DESI1: variants seen among roughly 807,000 people sequenced by gnomAD.
DESI1 encodes the protein desumoylating isopeptidase 1.
Under a neutral mutation model 22.4 loss-of-function variants are expected in DESI1, and 17 were observed. That is an observed-to-expected ratio of 0.76 (90% CI 0.52 to 1.14). The LOEUF is 1.14. Among genes scored for constraint, DESI1 ranks in the 50% most tolerant of loss-of-function variants. The pLI is 0.00. For missense variants in DESI1, 177 were observed against 208.9 expected (o/e 0.85, Z 0.94); for synonymous variants, 92 against 84.2 (o/e 1.09, Z -0.51).
chr22:41,606,365 A>AG (rs1281204276), intron 3 of DESI1, among the ~76,000 whole-genome samples: 1 of 152,046 alleles, frequency 6.6e-6, no homozygotes, highest in African/African-American at 2.4e-5. Flanking sequence ...CAAAAAAAAA[A>AG]AAAAAATCCT....
At position 41,600,912 on chromosome 22, in the gene DESI1, A is replaced by G. The variant is rs2067446047; in HGVS notation, c.*185T>C. 1.7e-6 allele frequency: 1 copy of G among 603,210 alleles called. No individual in the cohort carries two copies. Among genetic ancestry groups the G allele is most frequent in the African/African-American group, 1.9e-5 (1 of 53,684 alleles). 37.4% of individuals were successfully genotyped at this position (603,210 alleles called of 1,614,324 possible). A position where few individuals can be genotyped will look rare whatever the true frequency, so the allele number is the denominator to read the frequency against. On this transcript the variant is annotated 3_prime_UTR_variant, in exon 6 of 6. Transcript: ENST00000263256. ...GTATAATACTATTAGAAGGGGTGGC[A>G]TTTTGTTCTGTTTCTTAGCAGCATT...
Position 41,600,304 on chromosome 22 carries a change from T to A in DESI1, c.*793A>T, listed in dbSNP as rs1428727923. The A allele has an allele frequency of 2.0e-5, 3 of 152,288 alleles. No individual in the cohort carries two copies. Among genetic ancestry groups the A allele is most frequent in the African/African-American group, 7.2e-5 (3 of 41,464 alleles). 9.4% of individuals were successfully genotyped at this position (152,288 alleles called of 1,614,324 possible). A position where few individuals can be genotyped will look rare whatever the true frequency, so the allele number is the denominator to read the frequency against. On this transcript the variant is annotated 3_prime_UTR_variant, in exon 6 of 6. Transcript: ENST00000263256. ...CAGAGACTGCAAATAACCTACATCA[T>A]TACTTGCAGAAAAAAGGCCTTGGCT...
intron 1 of DESI1, among the ~76,000 whole-genome samples, chr22:41,608,751 G>A (rs902677659): frequency 4.6e-5 from 7 of 152,092 alleles, no homozygotes; most frequent in African/African-American, 1.4e-4. Flanking sequence ...ATGAATTGGA[G>A]GGAAGAGAGC....
intron 1 of DESI1, among the ~76,000 whole-genome samples, chr22:41,611,285 A>G (rs971100453): frequency 4.6e-5 from 7 of 152,132 alleles, no homozygotes; most frequent in African/African-American, 1.7e-4. Flanking sequence ...GGTGTGCGCC[A>G]CCATGCCCAG....
At chr22:41,607,970 T>G in intron 1 of DESI1, 109 bp from the exon 2 acceptor site, 2 of 1,220,896 alleles carry the variant, frequency 1.6e-6, no homozygotes, top group Non-Finnish European at 2.4e-6. Context: ...CATAAACCTC[T>G]TGAGGGACTT....
intron 1 of DESI1, among the ~76,000 whole-genome samples, chr22:41,610,287 G>T (rs1779501427): frequency 1.3e-5 from 2 of 150,430 alleles, no homozygotes; most frequent in Non-Finnish European, 3.0e-5. Flanking sequence ...GCTGAGGCAG[G>T]AAAATCGTTT....
At position 41,610,205 on chromosome 22, in the gene DESI1, C is replaced by G. The variant is rs904316732; in HGVS notation, c.89-2344G>C. Among the ~76,000 whole-genome samples the G allele has an allele frequency of 1.2e-4, 18 of 151,850 alleles. No homozygotes were observed. In the East Asian group the frequency reaches 3.5e-3, roughly 29 times the overall value. ...ATTAGCCTGACCAACATGGTGAAAC[C>G]CTGTCTCTACTAAAAATACAAAAAT... On this transcript the variant is annotated intron_variant, in intron 1 of 5. Transcript: ENST00000263256.
intron 1 of DESI1, among the ~76,000 whole-genome samples, chr22:41,614,898 C>T (rs7284839): frequency 0.78 from 110,153 of 141,706 alleles, 42,228 homozygotes; most frequent in East Asian, 0.94. Context: ...TTTTCTTCTT[C>T]TTTTTTTTTT....
At position 41,604,085 on chromosome 22, in the gene DESI1, G is replaced by A. The variant is rs2067464942; in HGVS notation, c.249C>T (p.Ile83=). 1.2e-6 allele frequency: 2 copies of A among 1,613,744 alleles called. No individual in the cohort carries two copies. Among genetic ancestry groups the A allele is most frequent in the African/African-American group, 1.3e-5 (1 of 74,836 alleles). ...DVGSTEVTEE[I]FLEYLSSLGE... ...CCAGGGAGGAGAGGTACTCCAGAAA[G>A]ATTTCTTCTGTGACTTCTGTACTCC... Residue 83 remains isoleucine (I), a synonymous_variant, in exon 4 of 6, where the codon ATC becomes ATT. Coordinates refer to ENST00000263256, the MANE Select transcript of DESI1 (RefSeq NM_015704.3).
At chr22:41,609,258 A>G (rs1331500132) in intron 1 of DESI1, among the ~76,000 whole-genome samples, 1 of 152,122 alleles carries the variant, frequency 6.6e-6, no homozygotes, top group African/African-American at 2.4e-5. Context: ...ATCCTCAGAG[A>G]TAGTTAAGGG....
In DESI1 at chr22:41,620,936, G is replaced by A. The variant is rs888690601; in HGVS notation, c.-97C>T. 2 of 1,421,768 alleles carry A rather than the reference G, an allele frequency of 1.4e-6. No homozygotes were observed. Among genetic ancestry groups the A allele is most frequent in the Non-Finnish European group, 1.9e-6 (2 of 1,040,968 alleles). The allele number at this position is 1,421,768 out of a possible 1,614,324, so 88.1% of individuals were successfully genotyped here. On this transcript the variant is annotated 5_prime_UTR_variant, in exon 1 of 6. Transcript: ENST00000263256. Reference sequence around the variant, plus strand: ...ACGGGAGTGCGAAGCGGAGGGAGAGGGGGGGACCGAGCCCGGGCCCGGGCT... The same window carrying A: ...ACGGGAGTGCGAAGCGGAGGGAGAGAGGGGGACCGAGCCCGGGCCCGGGCT...
chr22:41,610,781 A>C (rs565425059), intron 1 of DESI1, among the ~76,000 whole-genome samples: 12 of 152,016 alleles, frequency 7.9e-5, no homozygotes, highest in African/African-American at 2.7e-4. Context: ...GCTGAGGCAG[A>C]AGAATCACTT....
intron 5 of DESI1, chr22:41,602,438 A>G (rs887945804): frequency 1.6e-5 from 16 of 985,332 alleles, no homozygotes; most frequent in Non-Finnish European, 1.9e-5. Flanking sequence ...CTGCCACAGC[A>G]GTCTTGTTTC....
At chr22:41,606,728 C>T (rs1003487444) in intron 3 of DESI1, among the ~76,000 whole-genome samples, 1 of 124,290 alleles carries the variant, frequency 8.0e-6, no homozygotes, top group South Asian at 2.6e-4. Context: ...GAGCCGAGAT[C>T]GCACCACTGC....
chr22:41,614,945 A>G (rs1222158885), intron 1 of DESI1, among the ~76,000 whole-genome samples: 2 of 146,632 alleles, frequency 1.4e-5, no homozygotes, highest in African/African-American at 5.1e-5. Flanking sequence ...TGTTTTCCAC[A>G]TGCATATCTG....
In DESI1 at chr22:41,600,915, T is replaced by G; in HGVS notation, c.*182A>C. 1 of 604,980 alleles carries G rather than the reference T, an allele frequency of 1.7e-6. No individual in the cohort carries two copies. Among genetic ancestry groups the G allele is most frequent in the Non-Finnish European group, 3.0e-6 (1 of 337,196 alleles). The allele number at this position is 604,980 out of a possible 1,614,324, so 37.5% of individuals were successfully genotyped here. On this transcript the variant is annotated 3_prime_UTR_variant, in exon 6 of 6. Coordinates refer to ENST00000263256, the MANE Select transcript of DESI1 (RefSeq NM_015704.3). ...TAATACTATTAGAAGGGGTGGCATTTTGTTCTGTTTCTTAGCAGCATTGTC... is the reference window on the plus strand; with the variant it reads ...TAATACTATTAGAAGGGGTGGCATTGTGTTCTGTTTCTTAGCAGCATTGTC...
At chr22:41,610,119 C>T (rs371074902) in intron 1 of DESI1, among the ~76,000 whole-genome samples, 4 of 148,300 alleles carry the variant, frequency 2.7e-5, no homozygotes, top group East Asian at 2.0e-4. Context: ...CGGTGGCTCA[C>T]GCCTGTAATC....
chr22:41,614,510 C>T (rs934088323), intron 1 of DESI1, among the ~76,000 whole-genome samples: 4 of 151,430 alleles, frequency 2.6e-5, no homozygotes, highest in Admixed American at 6.6e-5. Flanking sequence ...CCTCCGTCTC[C>T]GGGGTTCAAG....
intron 1 of DESI1, among the ~76,000 whole-genome samples, chr22:41,616,554 ACACACACACAC>A (rs562180067): frequency 3.5e-4 from 53 of 151,834 alleles, no homozygotes; most frequent in African/African-American, 1.2e-3. Context: ...ACACACACAC[ACACACACACAC>A]ACTTCTGCAT....
Sources: gnomAD v4.1 joint callset for allele counts (sites outside exome capture counted in the v4.1 genomes callset) on GRCh38, gnomAD v4.1.1 for gene constraint, MANE v1.5 for transcripts, NCBI Gene and HGNC (gene_info 2026-07-23, HGNC 2026-07-21) for gene names.